The following MORC1 variants were observed in gnomAD, a reference collection of about 807,000 sequenced individuals.
The protein encoded by MORC1 is MORC family CW-type zinc finger protein 1.
Under a neutral mutation model 134.9 loss-of-function variants are expected in MORC1, and 59 were observed. The observed-to-expected ratio is 0.44, with a 90% CI of 0.35 to 0.54. MORC1 has a LOEUF of 0.54. Among genes scored for constraint, MORC1 ranks in the 20% least tolerant of loss-of-function variants. The pLI is 0.00. For synonymous variants in MORC1, 395 were observed against 391.7 expected (o/e 1.01, Z -0.10); for missense variants, 947 against 1,134.5 (o/e 0.83, Z 2.37).
intron 23 of MORC1, among the ~76,000 whole-genome samples, chr3:108,984,387 T>A (rs1467866956): frequency 6.6e-6 from 1 of 151,968 alleles, no homozygotes; most frequent in South Asian, 2.1e-4. Flanking sequence ...GAAAAAAAAA[T>A]CAGTTAATGA....
At chr3:109,084,892 G>A (rs1274044152) in intron 8 of MORC1, among the ~76,000 whole-genome samples, 1 of 152,030 alleles carries the variant, frequency 6.6e-6, no homozygotes, top group Non-Finnish European at 1.5e-5. Flanking sequence ...AATGTGCAAA[G>A]GGGAAAGGAC....
intron 14 of MORC1, among the ~76,000 whole-genome samples, chr3:109,037,675 G>A (rs578017245): frequency 6.6e-6 from 1 of 152,264 alleles, no homozygotes; most frequent in South Asian, 2.1e-4. Flanking sequence ...TCCCACCTAT[G>A]AGTGAGAACA....
intron 14 of MORC1, among the ~76,000 whole-genome samples, chr3:109,036,049 C>T (rs142134750): frequency 6.6e-6 from 1 of 151,776 alleles, no homozygotes; most frequent in East Asian, 2.0e-4. Flanking sequence ...TTCTTTGATC[C>T]AGCAATTATA....
chr3:109,108,039 A>C (rs904316056), intron 3 of MORC1, among the ~76,000 whole-genome samples: 1 of 152,172 alleles, frequency 6.6e-6, no homozygotes, highest in South Asian at 2.1e-4. Context: ...TCTACTAAAA[A>C]TACAAAACTT....
intron 2 of MORC1, among the ~76,000 whole-genome samples, chr3:109,112,583 A>G (rs531138583): frequency 1.6e-4 from 24 of 152,340 alleles, no homozygotes; most frequent in Admixed American, 1.6e-3. Context: ...GAAATGAGGC[A>G]AAGCTGAAGG....
At chr3:109,063,288 G>C (rs1259617002) in intron 9 of MORC1, 57 bp from the exon 10 acceptor site, 2 of 1,144,690 alleles carry the variant, frequency 1.7e-6, no homozygotes, top group Non-Finnish European at 2.6e-6. Context: ...AAATACATAA[G>C]ACAATATTCT....
Position 108,966,078 on chromosome 3 carries a change from T to G in MORC1, c.2605-2470A>C, listed in dbSNP as rs1247086175. ...TTCAAGCTCAGTGTAAAAGGACATC[T>G]AGTTGTACTAGCTTTTTTGTGTGTT... On this transcript the variant is annotated intron_variant, in intron 26 of 27. Transcript: ENST00000232603. Among the ~76,000 whole-genome samples the G allele has an allele frequency of 2.0e-5, 3 of 152,218 alleles. No individual in the cohort carries two copies. In the East Asian group the frequency reaches 5.8e-4, roughly 29 times the overall value.
At chr3:109,089,146 A>C (rs1950670918) in intron 8 of MORC1, among the ~76,000 whole-genome samples, 1 of 152,140 alleles carries the variant, frequency 6.6e-6, no homozygotes, top group Admixed American at 6.5e-5. Flanking sequence ...AATAATCTGT[A>C]AAACAAACCT....
intron 14 of MORC1, among the ~76,000 whole-genome samples, chr3:109,051,801 G>A (rs763146018): frequency 6.6e-6 from 1 of 152,018 alleles, no homozygotes. Flanking sequence ...ATAAGGACAG[G>A]GAATTAGGTA....
intron 8 of MORC1, among the ~76,000 whole-genome samples, chr3:109,093,089 A>G (rs1950761659): frequency 6.6e-6 from 1 of 152,178 alleles, no homozygotes; most frequent in Admixed American, 6.5e-5. Context: ...AAGGTATTAG[A>G]AAGCTTTAGA....
At chr3:109,086,467 A>G (rs1335402181) in intron 8 of MORC1, among the ~76,000 whole-genome samples, 5 of 152,020 alleles carry the variant, frequency 3.3e-5, no homozygotes, top group African/African-American at 1.2e-4. Context: ...GTAGAGATGC[A>G]TTGGTGGATT....
In MORC1 at chr3:109,063,305, A is replaced by C; in HGVS notation, c.816-74T>G. The C allele has an allele frequency of 3.2e-6, 3 of 949,654 alleles. No homozygotes were observed. In the South Asian group the frequency reaches 4.9e-5, roughly 15 times the overall value. The allele number at this position is 949,654 out of a possible 1,614,324, so 58.8% of individuals were successfully genotyped here. On this transcript the variant is annotated intron_variant, in intron 9 of 27. Transcript: ENST00000232603. ...ATACATAAGACAATATTCTTTAGTA[A>C]GACTATATGCTCCAGAGATACATAA...
intron 12 of MORC1, 108 bp from the exon 13 acceptor site, chr3:109,057,594 C>A (rs1443088313): frequency 9.5e-7 from 1 of 1,055,150 alleles, no homozygotes; most frequent in Non-Finnish European, 1.3e-6. Context: ...GGCATATATC[C>A]AAATATTTTG....
chr3:109,017,668 G>C (rs1948848033), intron 17 of MORC1, among the ~76,000 whole-genome samples: 1 of 152,048 alleles, frequency 6.6e-6, no homozygotes, highest in Non-Finnish European at 1.5e-5. Context: ...TTGAATTTTT[G>C]TAAAATAGAA....
chr3:109,043,102 A>G (rs1408725212), intron 14 of MORC1, among the ~76,000 whole-genome samples: 1 of 147,884 alleles, frequency 6.8e-6, no homozygotes, highest in Non-Finnish European at 1.5e-5. Flanking sequence ...CCATCTTCAT[A>G]GTAACATTAT....
At chr3:109,096,482 G>A (rs1301602957) in intron 6 of MORC1, among the ~76,000 whole-genome samples, 1 of 152,042 alleles carries the variant, frequency 6.6e-6, no homozygotes, top group Non-Finnish European at 1.5e-5. Context: ...CATGCTAAAA[G>A]GCACCCCTAC....
chr3:109,100,270 G>A lies in MORC1; in HGVS notation c.314+147C>T, dbSNP rs978516388. On this transcript the variant is annotated intron_variant, in intron 5 of 27. Transcript: ENST00000232603. ...AAAAAAAAAGTCAGTTTTGTATATG[G>A]AGATTCCAACACAAAGTAGGTCACC... The A allele has an allele frequency of 1.0e-5, 6 of 589,032 alleles. No individual in the cohort carries two copies. In the African/African-American group the frequency reaches 1.1e-4, roughly 11 times the overall value. 36.5% of individuals were successfully genotyped at this position (589,032 alleles called of 1,614,324 possible).
chr3:108,996,279 C>T (rs1012871798), intron 21 of MORC1, among the ~76,000 whole-genome samples: 19 of 117,542 alleles, frequency 1.6e-4, no homozygotes, highest in South Asian at 1.6e-3. Flanking sequence ...CGTGCGTGCG[C>T]GCGCGCGCAC....
intron 18 of MORC1, among the ~76,000 whole-genome samples, chr3:109,005,707 G>C (rs1336964761): frequency 1.3e-5 from 2 of 152,196 alleles, no homozygotes; most frequent in Non-Finnish European, 2.9e-5. Context: ...TGCAGCCAAT[G>C]AAAGATGTAT....
Sources: allele counts gnomAD v4.1 joint callset (sites outside exome capture counted in the v4.1 genomes callset), GRCh38; gene constraint gnomAD v4.1.1; transcripts MANE v1.5; gene names NCBI Gene and HGNC (gene_info 2026-07-23, HGNC 2026-07-21).